The following DBF4B variants were observed in gnomAD, a reference collection of about 807,000 sequenced individuals.
DBF4B encodes the protein protein DBF4 homolog B.
In DBF4B, 49 loss-of-function variants were observed where a neutral mutation model predicts 53.4. The ratio of observed to expected loss-of-function variants is 0.92; its 90% CI spans 0.73 to 1.16. The LOEUF (loss-of-function observed/expected upper bound fraction) is 1.16. DBF4B is among the 50% of genes most tolerant of loss of function. DBF4B has a pLI of 0.00. For missense variants in DBF4B, 692 were observed against 775.0 expected (o/e 0.89, Z 1.27); for synonymous variants, 257 against 288.7 (o/e 0.89, Z 1.11).
intron 10 of DBF4B, among the ~76,000 whole-genome samples, chr17:44,745,595 C>A (rs1976515462): frequency 6.6e-6 from 1 of 152,208 alleles, no homozygotes; most frequent in South Asian, 2.1e-4. Flanking sequence ...ACGAGAATAG[C>A]ATGGGGGAAA....
intron 2 of DBF4B, among the ~76,000 whole-genome samples, chr17:44,717,900 G>A (rs1337039638): frequency 6.6e-6 from 1 of 151,532 alleles, no homozygotes; most frequent in Non-Finnish European, 1.5e-5. Flanking sequence ...ACATGGTGGT[G>A]CATGTGATCC....
intron 2 of DBF4B, among the ~76,000 whole-genome samples, chr17:44,721,078 C>T (rs1973795927): frequency 6.6e-6 from 1 of 151,982 alleles, no homozygotes; most frequent in Admixed American, 6.6e-5. Flanking sequence ...GTTGGCCAGG[C>T]TGGTCTCGAA....
rs923884663 is a variant in DBF4B, at chr17:44,751,698, G to A, written c.*445G>A. The A allele has an allele frequency of 1.4e-5, 20 of 1,426,886 alleles. No homozygotes were observed. The highest frequency in any genetic ancestry group is 2.6e-4 in the Middle Eastern group (1 of 3,866). 88.4% of individuals were successfully genotyped at this position (1,426,886 alleles called of 1,614,324 possible). ...CTCCTTCCTGCGGTCTATACCTACCGCCTCCTCTTCACCTCCTTCCCTTCC... is the reference window on the plus strand; with the variant it reads ...CTCCTTCCTGCGGTCTATACCTACCACCTCCTCTTCACCTCCTTCCCTTCC... On this transcript the variant is annotated 3_prime_UTR_variant, in exon 14 of 14. Coordinates refer to ENST00000315005, the MANE Select transcript of DBF4B (RefSeq NM_145663.3).
chr17:44,744,459 T>G (rs1327462011), intron 10 of DBF4B, among the ~76,000 whole-genome samples: 1 of 152,060 alleles, frequency 6.6e-6, no homozygotes, highest in Non-Finnish European at 1.5e-5. Context: ...AGGGTATCCA[T>G]TATTCCATTG....
intron 1 of DBF4B, chr17:44,709,080 C>T (rs1039378430): frequency 1.3e-6 from 1 of 789,318 alleles, no homozygotes; most frequent in African/African-American, 1.7e-5. Flanking sequence ...AGGAGGTGGC[C>T]AAGAGGTCAC....
chr17:44,715,309 T>C (rs1157389333), intron 2 of DBF4B, among the ~76,000 whole-genome samples: 1 of 152,142 alleles, frequency 6.6e-6, no homozygotes, highest in Non-Finnish European at 1.5e-5. Flanking sequence ...CAAGTGATTC[T>C]CCAGTCTCAG....
Position 44,747,378 on chromosome 17 carries a change from C to A in DBF4B, c.940-13C>A. On this transcript the variant is annotated splice_polypyrimidine_tract_variant and intron_variant, in intron 11 of 13. Transcript: ENST00000315005. Reference sequence around the variant, plus strand: ...CTCATCTAATGCCCTGTGCTCCTCTCCCCCGCCGGCAGCATCTTCAGAGTG... The same window carrying A: ...CTCATCTAATGCCCTGTGCTCCTCTACCCCGCCGGCAGCATCTTCAGAGTG... The A allele has an allele frequency of 6.2e-7, 1 of 1,613,356 alleles. No individual in the cohort carries two copies. The highest frequency in any genetic ancestry group is 1.1e-5 in the South Asian group (1 of 91,020).
At chr17:44,748,275 C>G in intron 12 of DBF4B, 66 bp from the exon 13 acceptor site, 6 of 1,526,272 alleles carry the variant, frequency 3.9e-6, no homozygotes, top group Non-Finnish European at 8.8e-7. Flanking sequence ...TCCCTGTGCC[C>G]TCAGCCCTGG....
chr17:44,747,664 G>T, intron 12 of DBF4B, 149 bp downstream of exon 12: 1 of 1,181,306 alleles, frequency 8.5e-7, no homozygotes. Context: ...CCTCAGTCCT[G>T]TTTGTTTTGG....
intron 3 of DBF4B, among the ~76,000 whole-genome samples, chr17:44,728,948 T>C (rs1974585904): frequency 6.6e-6 from 1 of 151,828 alleles, no homozygotes. Context: ...AATACAAAAA[T>C]TAGCCAGTGT....
Position 44,711,213 on chromosome 17 carries a change from C to T in DBF4B, c.82+1847C>T, listed in dbSNP as rs966458208. 5.9e-5 allele frequency among the ~76,000 whole-genome samples: 9 copies of T among 151,824 alleles called. No individual in the cohort carries two copies. In the South Asian group the frequency reaches 8.3e-4, roughly 14 times the overall value. ...GTTGGTCAGGCTAGTCTTGAACTCCCGACCTCATGATCCACCTGCTTCAGC... is the reference window on the plus strand; with the variant it reads ...GTTGGTCAGGCTAGTCTTGAACTCCTGACCTCATGATCCACCTGCTTCAGC... On this transcript the variant is annotated intron_variant, in intron 2 of 13. Transcript: ENST00000315005.
At chr17:44,717,251 C>T (rs1973408196) in intron 2 of DBF4B, among the ~76,000 whole-genome samples, 1 of 152,150 alleles carries the variant, frequency 6.6e-6, no homozygotes, top group African/African-American at 2.4e-5. Flanking sequence ...AATTTACCAG[C>T]TCACACTGTT....
intron 10 of DBF4B, among the ~76,000 whole-genome samples, chr17:44,744,205 A>C (rs1464624839): frequency 2.0e-5 from 3 of 151,448 alleles, no homozygotes; most frequent in African/African-American, 4.9e-5. Flanking sequence ...TGAGCTCACG[A>C]GTTTGAGACC....
At chr17:44,737,716 C>T (rs190546458) in intron 8 of DBF4B, among the ~76,000 whole-genome samples, 1 of 152,300 alleles carries the variant, frequency 6.6e-6, no homozygotes, top group South Asian at 2.1e-4. Flanking sequence ...GAATAACTAT[C>T]TAATAGGGGT....
chr17:44,714,894 G>C (rs567611144), intron 2 of DBF4B, among the ~76,000 whole-genome samples: 113 of 151,914 alleles, frequency 7.4e-4, no homozygotes, highest in Non-Finnish European at 1.4e-3. Context: ...ACCAGAATAG[G>C]TTCAGAGAGG....
rs180805385 is a variant in DBF4B, at chr17:44,723,051, C to A, written c.225+29C>A. Reference sequence around the variant, plus strand: ...GGTAACCTGCTCTTCTCCTGCGATGCCATGTGCCTTTGCAGGCTTAGAGCA... The same window carrying A: ...GGTAACCTGCTCTTCTCCTGCGATGACATGTGCCTTTGCAGGCTTAGAGCA... On this transcript the variant is annotated intron_variant, in intron 3 of 13. Transcript: ENST00000315005. 4.3e-6 allele frequency: 7 copies of A among 1,612,268 alleles called. No individual in the cohort carries two copies. The East Asian group carries it at 1.3e-4, about 31-fold the overall frequency.
intron 3 of DBF4B, among the ~76,000 whole-genome samples, 178 bp from the exon 4 acceptor site, chr17:44,729,727 C>CACA (rs3223649): frequency 4.1e-5 from 6 of 145,202 alleles, no homozygotes; most frequent in Admixed American, 2.1e-4. Context: ...CACACACACA[C>CACA]CCCATTAGAT....
intron 11 of DBF4B, 53 bp downstream of exon 11, chr17:44,747,244 G>T: frequency 1.2e-6 from 2 of 1,601,184 alleles, no homozygotes; most frequent in Non-Finnish European, 1.7e-6. Context: ...GAGGGAGCCT[G>T]CTCACTGGGG....
At chr17:44,736,298 A>T (rs997804816) in intron 7 of DBF4B, among the ~76,000 whole-genome samples, 11 of 152,138 alleles carry the variant, frequency 7.2e-5, no homozygotes, top group African/African-American at 2.7e-4. Flanking sequence ...TTTACTTTTT[A>T]ATATCAGCTT....
Sources: gnomAD v4.1 joint callset for allele counts (sites outside exome capture counted in the v4.1 genomes callset) on GRCh38, gnomAD v4.1.1 for gene constraint, MANE v1.5 for transcripts, NCBI Gene and HGNC (gene_info 2026-07-23, HGNC 2026-07-21) for gene names.